The following BNIP3 variants were observed in gnomAD, a reference collection of about 807,000 sequenced individuals.
The protein encoded by BNIP3 is BCL2 interacting protein 3, also known as BCL2/adenovirus E1B 19 kDa protein-interacting protein 3.
In BNIP3, 16 loss-of-function variants were observed where a neutral mutation model predicts 23.9. The observed-to-expected ratio is 0.67, with a 90% CI of 0.45 to 1.01. The LOEUF is 1.01. BNIP3 is among the 50% of genes least tolerant of loss of function. The pLI is 0.00. For missense variants in BNIP3, 198 were observed against 248.7 expected (o/e 0.80, Z 1.37); for synonymous variants, 81 against 89.3 (o/e 0.91, Z 0.53).
rs569503520 is a variant in BNIP3 at position 131,970,454 on chromosome 10, G to A, written c.539+184C>T. ...CAGCACCACAGGGCGCCTGTGCTGG[G>A]GCCTTTGGGGGCTGCAGGCTGGTGG... On this transcript the variant is annotated intron_variant, in intron 5 of 5. Transcript: ENST00000368636. This position sits in a 1 kb window ranked among gnomAD's most constrained non-coding sequence, Gnocchi z 4.1. 109 of 836,610 alleles carry A rather than the reference G, an allele frequency of 1.3e-4. No individual in the cohort carries two copies. The African/African-American group carries it at 1.8e-3, about 14-fold the overall frequency. The allele number at this position is 836,610 out of a possible 1,614,324, so 51.8% of individuals were successfully genotyped here.
At chr10:131,972,591 T>C (rs2037044777) in intron 3 of BNIP3, among the ~76,000 whole-genome samples, 1 of 152,166 alleles carries the variant, frequency 6.6e-6, no homozygotes, top group African/African-American at 2.4e-5. Flanking sequence ...GATGGCCCCG[T>C]GGGTAACTCC....
intron 3 of BNIP3, 87 bp from the exon 4 acceptor site, chr10:131,971,057 C>T: frequency 8.2e-7 from 1 of 1,225,832 alleles, no homozygotes; most frequent in Non-Finnish European, 1.2e-6. Flanking sequence ...TTCAGATCCG[C>T]AGGCTCAATT....
At chr10:131,971,303 G>T in intron 3 of BNIP3, 1 of 329,336 alleles carries the variant, frequency 3.0e-6, no homozygotes, top group East Asian at 7.3e-5. Flanking sequence ...TGACATGAGG[G>T]CAAAGATGGT....
In BNIP3 at chr10:131,970,805, G is replaced by A. The variant is rs2037024557; in HGVS notation, c.390-18C>T. 8 of 1,614,106 alleles carry A rather than the reference G, an allele frequency of 5.0e-6. No homozygotes were observed. The highest frequency in any genetic ancestry group is 2.2e-5 in the South Asian group (2 of 91,090). On this transcript the variant is annotated intron_variant, in intron 4 of 5. Coordinates refer to ENST00000368636, the MANE Select transcript of BNIP3 (RefSeq NM_004052.4). This position sits in a 1 kb window ranked among gnomAD's most constrained non-coding sequence, Gnocchi z 4.1. ...GGAACTCCCTGAGGCGGGAAGAAAC[G>A]TGTCAGCTGATGTGTCCTCTGTCAA...
At position 131,981,815 on chromosome 10, in the gene BNIP3, A is replaced by C; in HGVS notation, c.-9T>G. ...GCTCCGTTCTGCGACATGGCGCCAGAGGGCAACTGCGGCGATCGGAGTCCG... is the reference window on the plus strand; with the variant it reads ...GCTCCGTTCTGCGACATGGCGCCAGCGGGCAACTGCGGCGATCGGAGTCCG... On this transcript the variant is annotated 5_prime_UTR_variant, in exon 1 of 6. Transcript: ENST00000368636. 6.8e-7 allele frequency: 1 copy of C among 1,471,200 alleles called. No individual in the cohort carries two copies. Among genetic ancestry groups the C allele is most frequent in the South Asian group, 1.3e-5 (1 of 76,312 alleles). The allele number at this position is 1,471,200 out of a possible 1,614,324, so 91.1% of individuals were successfully genotyped here.
rs1478409844 is a variant in BNIP3, at chr10:131,973,782, T to C, written c.197+11A>G. On this transcript the variant is annotated intron_variant, in intron 2 of 5. Transcript: ENST00000368636. ...GCACTGTAACACATACACTTGTTGA[T>C]GCGCGCCTACCTGTCACAGTGAGAG... 1.1e-5 allele frequency: 18 copies of C among 1,611,848 alleles called. No homozygotes were observed. The East Asian group carries it at 1.6e-4, about 14-fold the overall frequency.
At chr10:131,978,077 G>A (rs2037093476) in intron 1 of BNIP3, among the ~76,000 whole-genome samples, 1 of 152,166 alleles carries the variant, frequency 6.6e-6, no homozygotes, top group Non-Finnish European at 1.5e-5. Context: ...AATCACTGTA[G>A]TATAATTAGG....
chr10:131,969,489 T>C (rs1180733262), intron 5 of BNIP3: 2 of 151,810 alleles, frequency 1.3e-5, no homozygotes, highest in Non-Finnish European at 2.9e-5. Flanking sequence ...AGGTGACGGG[T>C]TATGGGGGGG....
chr10:131,974,598 T>C (rs1289567430), intron 1 of BNIP3, among the ~76,000 whole-genome samples: 1 of 152,202 alleles, frequency 6.6e-6, no homozygotes, highest in African/African-American at 2.4e-5. Context: ...CAGGCTAGTC[T>C]CGAACTTCTG....
rs553534857 is a variant in BNIP3, at chr10:131,981,538, C to A, written c.46+223G>T. On this transcript the variant is annotated intron_variant, in intron 1 of 5. Transcript: ENST00000368636. ...ACCCGGGTCCAAGCCAACCCCCGCC[C>A]GAGTGGCGAGGCCGCGAACCCCGGG... Among the ~76,000 whole-genome samples the A allele has an allele frequency of 1.4e-4, 22 of 152,348 alleles. No individual in the cohort carries two copies. The East Asian group carries it at 4.1e-3, about 28-fold the overall frequency.
intron 1 of BNIP3, 75 bp from the exon 2 acceptor site, chr10:131,974,018 C>T (rs1589976714): frequency 1.9e-6 from 3 of 1,573,422 alleles, no homozygotes. Context: ...ATCTAACCAG[C>T]CTGCCCTTCC....
intron 1 of BNIP3, chr10:131,980,199 C>CGAGCCCCCCG (rs2037108688): frequency 6.6e-6 from 1 of 152,190 alleles, no homozygotes; most frequent in South Asian, 2.1e-4. Flanking sequence ...GAGAGAGGAC[C>CGAGCCCCCCG]GAGCCCCCCG....
In BNIP3 at chr10:131,967,801, A is replaced by C. The variant is rs2036984892; in HGVS notation, c.*723T>G. ...CACACAAAAGTTGAACACAAAGGAG[A>C]GGATTAAATTCACCAATGCAGAGTG... On this transcript the variant is annotated 3_prime_UTR_variant, in exon 6 of 6. Transcript: ENST00000368636. 1 of 152,484 alleles carries C rather than the reference A, an allele frequency of 6.6e-6. No individual in the cohort carries two copies. Among genetic ancestry groups the C allele is most frequent in the Non-Finnish European group, 1.5e-5 (1 of 68,050 alleles). The allele number at this position is 152,484 out of a possible 1,614,324, so 9.4% of individuals were successfully genotyped here.
intron 2 of BNIP3, chr10:131,973,364 G>A (rs987717660): frequency 1.7e-5 from 9 of 517,002 alleles, no homozygotes; most frequent in African/African-American, 1.5e-4. Flanking sequence ...CAAGCAGCTG[G>A]CTTTGTCACC....
intron 1 of BNIP3, among the ~76,000 whole-genome samples, chr10:131,975,546 G>A (rs572294786): frequency 4.0e-4 from 61 of 152,258 alleles, no homozygotes; most frequent in African/African-American, 1.4e-3. Context: ...TGCAATTAGG[G>A]GGAAAGGAGC....
chr10:131,977,551 C>T (rs1171040140), intron 1 of BNIP3, among the ~76,000 whole-genome samples: 1 of 152,202 alleles, frequency 6.6e-6, no homozygotes, highest in African/African-American at 2.4e-5. Context: ...CTGGTGTCGG[C>T]TGAGGGCCTT....
In BNIP3 at chr10:131,970,802, A is replaced by G; in HGVS notation, c.390-15T>C. 1 of 1,614,236 alleles carries G rather than the reference A, an allele frequency of 6.2e-7. No individual in the cohort carries two copies. Among genetic ancestry groups the G allele is most frequent in the Non-Finnish European group, 8.5e-7 (1 of 1,180,042 alleles). The stretch of plus-strand genomic sequence containing the variant: ...AGAGGAACTCCCTGAGGCGGGAAGA[A>G]ACGTGTCAGCTGATGTGTCCTCTGT... On this transcript the variant is annotated splice_polypyrimidine_tract_variant and intron_variant, in intron 4 of 5. Transcript: ENST00000368636. This position sits in a 1 kb window ranked among gnomAD's most constrained non-coding sequence, Gnocchi z 4.1.
In BNIP3 at chr10:131,972,996, A is replaced by G. The variant is rs144971708; in HGVS notation, c.282+38T>C. On this transcript the variant is annotated intron_variant, in intron 3 of 5. Transcript: ENST00000368636. Reference sequence around the variant, plus strand: ...ACCGTTTCCTGTACAAACAGATCACAAATACTTTTACAACTGCACATTCTC... The same window carrying G: ...ACCGTTTCCTGTACAAACAGATCACGAATACTTTTACAACTGCACATTCTC... 41 of 1,583,576 alleles carry G rather than the reference A, an allele frequency of 2.6e-5. No individual in the cohort carries two copies. The East Asian group carries it at 8.9e-4, about 35-fold the overall frequency.
Position 131,970,131 on chromosome 10 carries a change from A to G in BNIP3, c.539+507T>C, listed in dbSNP as rs1375500259. ...GAGGCAGAGGCTGCAGTGAGCCGAG[A>G]TCACGCCCCTGCACTCAGCCTGGGC... On this transcript the variant is annotated intron_variant, in intron 5 of 5. Transcript: ENST00000368636. The surrounding 1 kb of genome is among the most constrained non-coding windows in gnomAD (Gnocchi z 4.1). The G allele has an allele frequency of 6.4e-6, 1 of 155,664 alleles. No individual in the cohort carries two copies. The highest frequency in any genetic ancestry group is 1.9e-4 in the East Asian group (1 of 5,242). 9.6% of individuals were successfully genotyped at this position (155,664 alleles called of 1,614,324 possible). A position where few individuals can be genotyped will look rare whatever the true frequency, so the allele number is the denominator to read the frequency against.
Sources: allele counts gnomAD v4.1 joint callset (sites outside exome capture counted in the v4.1 genomes callset), GRCh38; gene constraint gnomAD v4.1.1; non-coding constraint Gnocchi (gnomAD v3.1); transcripts MANE v1.5; gene names NCBI Gene and HGNC (gene_info 2026-07-23, HGNC 2026-07-21).